The following PARVA variants were observed in gnomAD, a reference collection of about 807,000 sequenced individuals.
PARVA encodes parvin alpha, also known as alpha-parvin.
PARVA carries 25 observed loss-of-function variants against 52.6 expected under a neutral mutation model. The observed-to-expected ratio is 0.48, with a 90% CI of 0.35 to 0.66. The LOEUF (loss-of-function observed/expected upper bound fraction) is 0.66, where lower values mean the gene tolerates loss of function less well. Among genes scored for constraint, PARVA ranks in the 30% least tolerant of loss-of-function variants. The pLI is 0.01. For missense variants in PARVA, 373 were observed against 450.9 expected, an observed-to-expected ratio of 0.83 and a Z score of 1.56; for synonymous variants, 185 against 179.1, an observed-to-expected ratio of 1.03 and a Z score of -0.26.
In PARVA at chr11:12,513,576, G is replaced by A. The variant is rs185798288; in HGVS notation, c.798+216G>A. On this transcript the variant is annotated intron_variant, in intron 9 of 12. Transcript: ENST00000334956. ...TCCCCTCCATCAGCATGAACAGCCT[G>A]TCTTCCCACCCAGGCTAACCCCAGC... is the stretch of plus-strand genomic sequence containing the variant. 126 of 686,610 alleles carry A rather than the reference G, an allele frequency of 1.8e-4. 1 individual carries two copies. The East Asian group carries it at 3.3e-3, about 18-fold the overall frequency. The allele number at this position is 686,610 out of a possible 1,614,324, so 42.5% of individuals were successfully genotyped here.
intron 1 of PARVA, among the ~76,000 whole-genome samples, chr11:12,393,604 AAAGC>A (rs1442961816): frequency 6.6e-6 from 1 of 152,160 alleles, no homozygotes; most frequent in Non-Finnish European, 1.5e-5. Flanking sequence ...GGTGAGAAAG[AAAGC>A]AAGGACTCAG....
intron 10 of PARVA, among the ~76,000 whole-genome samples, chr11:12,515,453 G>A (rs1275175705): frequency 1.3e-5 from 2 of 152,180 alleles, no homozygotes; most frequent in African/African-American, 4.8e-5. Flanking sequence ...ATGGGCCCTG[G>A]AATGATCAGC....
At chr11:12,516,566 T>C (rs1161878565) in intron 10 of PARVA, among the ~76,000 whole-genome samples, 1 of 152,228 alleles carries the variant, frequency 6.6e-6, no homozygotes, top group Non-Finnish European at 1.5e-5. Flanking sequence ...CCAACCCATC[T>C]GGCCTCTTCT....
chr11:12,466,596 G>T (rs1313878473), intron 1 of PARVA, among the ~76,000 whole-genome samples: 1 of 152,052 alleles, frequency 6.6e-6, no homozygotes, highest in Non-Finnish European at 1.5e-5. Context: ...AAGCCACCAC[G>T]CCCGGCCTGT....
chr11:12,403,460 G>C (rs898196499), intron 1 of PARVA, among the ~76,000 whole-genome samples: 1 of 152,244 alleles, frequency 6.6e-6, no homozygotes, highest in African/African-American at 2.4e-5. Context: ...AGTGCTCTGA[G>C]CATTTCCACT....
At chr11:12,380,241 A>G (rs756840224) in intron 1 of PARVA, among the ~76,000 whole-genome samples, 1 of 151,364 alleles carries the variant, frequency 6.6e-6, no homozygotes, top group Non-Finnish European at 1.5e-5. Flanking sequence ...AGGGCTATTG[A>G]CAGAGCTGTG....
intron 1 of PARVA, among the ~76,000 whole-genome samples, chr11:12,454,215 A>G (rs1940663289): frequency 6.6e-6 from 1 of 152,176 alleles, no homozygotes; most frequent in Non-Finnish European, 1.5e-5. Flanking sequence ...CTGGGCTGCT[A>G]CTCATAGAAA....
chr11:12,513,857 C>A, intron 9 of PARVA, 140 bp from the exon 10 acceptor site: 1 of 711,432 alleles, frequency 1.4e-6, no homozygotes, highest in Non-Finnish European at 2.4e-6. Flanking sequence ...GCAGAGAGAG[C>A]TCCTGGGCCC....
chr11:12,433,230 C>G (rs1017768944), intron 1 of PARVA, among the ~76,000 whole-genome samples: 3 of 152,162 alleles, frequency 2.0e-5, no homozygotes, highest in Non-Finnish European at 4.4e-5. Context: ...GCTCCCCACC[C>G]AAAGGATGAA....
chr11:12,426,721 T>G (rs1459196114), intron 1 of PARVA, among the ~76,000 whole-genome samples: 1 of 152,078 alleles, frequency 6.6e-6, no homozygotes, highest in Non-Finnish European at 1.5e-5. Flanking sequence ...ATCACCAGGT[T>G]GTCTTGTGCC....
At chr11:12,427,157 TGAGA>T (rs1423899282) in intron 1 of PARVA, among the ~76,000 whole-genome samples, 1 of 152,156 alleles carries the variant, frequency 6.6e-6, no homozygotes, top group African/African-American at 2.4e-5. Context: ...AGCTACTGAA[TGAGA>T]AAGGAAATAT....
chr11:12,417,908 C>A (rs1163504091), intron 1 of PARVA, among the ~76,000 whole-genome samples: 1 of 152,206 alleles, frequency 6.6e-6, no homozygotes, highest in African/African-American at 2.4e-5. Context: ...GGCCAGGGAG[C>A]ACCTCCTACA....
At chr11:12,513,707 CA>C (rs1194191548) in intron 9 of PARVA, 1 of 584,386 alleles carries the variant, frequency 1.7e-6, no homozygotes, top group East Asian at 2.9e-5. Flanking sequence ...CATTTTATTT[CA>C]GTTCCCCCAC....
chr11:12,457,547 A>G (rs1051338252), intron 1 of PARVA, among the ~76,000 whole-genome samples: 6 of 152,130 alleles, frequency 3.9e-5, no homozygotes, highest in Non-Finnish European at 8.8e-5. Context: ...AGCCTTCCCC[A>G]TTCCAGCTTC....
chr11:12,506,988 C>T (rs1240557435), intron 6 of PARVA, among the ~76,000 whole-genome samples: 1 of 152,218 alleles, frequency 6.6e-6, no homozygotes, highest in Non-Finnish European at 1.5e-5. Context: ...CATGAAAACA[C>T]AGCCTGTGTT....
chr11:12,413,517 G>A (rs1589948226), intron 1 of PARVA, among the ~76,000 whole-genome samples: 1 of 152,196 alleles, frequency 6.6e-6, no homozygotes, highest in East Asian at 1.9e-4. Flanking sequence ...GCTAGAATGC[G>A]ATATGGTTTG....
intron 1 of PARVA, among the ~76,000 whole-genome samples, chr11:12,393,505 T>G (rs1939692237): frequency 6.6e-6 from 1 of 152,198 alleles, no homozygotes; most frequent in Non-Finnish European, 1.5e-5. Flanking sequence ...TGAGTTGTCT[T>G]CCACATGGTC....
chr11:12,526,640 T>C lies in PARVA; in HGVS notation c.1043-1209T>C, dbSNP rs562487062. ...ACTTGCCCTGCATCCTTTTTGAACATAACCTCTCCCTTCTCCCTAAAGGTA... is the reference window on the plus strand; with the variant it reads ...ACTTGCCCTGCATCCTTTTTGAACACAACCTCTCCCTTCTCCCTAAAGGTA... On this transcript the variant is annotated intron_variant, in intron 12 of 12. Transcript: ENST00000334956. Among the ~76,000 whole-genome samples, 4 of 152,312 alleles carry C rather than the reference T, an allele frequency of 2.6e-5. No individual in the cohort carries two copies. The East Asian group carries it at 5.8e-4, about 22-fold the overall frequency.
chr11:12,528,192 C>T lies in PARVA; in HGVS notation c.*267C>T, dbSNP rs1941727517. On this transcript the variant is annotated 3_prime_UTR_variant, in exon 13 of 13. Transcript: ENST00000334956. ...CCTTCCCGGTGCCAGGTCCAGATTT[C>T]CCTCCATGATTTGGGAACCAGCTTA... 1 of 503,532 alleles carries T rather than the reference C, an allele frequency of 2.0e-6. No homozygotes were observed. Among genetic ancestry groups the T allele is most frequent in the Non-Finnish European group, 3.6e-6 (1 of 280,766 alleles). The allele number at this position is 503,532 out of a possible 1,614,324, so 31.2% of individuals were successfully genotyped here.
Sources: gnomAD v4.1 joint callset for allele counts (sites outside exome capture counted in the v4.1 genomes callset) on GRCh38, gnomAD v4.1.1 for gene constraint, MANE v1.5 for transcripts, NCBI Gene and HGNC (gene_info 2026-07-23, HGNC 2026-07-21) for gene names.